Variants in CCSER1 observed in about 807,000 individuals in gnomAD.
CCSER1 encodes serine-rich coiled-coil domain-containing protein 1.
CCSER1 carries 41 observed loss-of-function variants against 82.0 expected under a neutral mutation model. That is an observed-to-expected ratio of 0.50 (90% CI 0.39 to 0.65). The LOEUF is 0.65. CCSER1 is among the 30% of genes least tolerant of loss of function. CCSER1 has a pLI of 0.00. For missense variants in CCSER1, 1,119 were observed against 1,064.2 expected (o/e 1.05, Z -0.72); for synonymous variants, 414 against 383.9 (o/e 1.08, Z -0.92).
intron 3 of CCSER1, among the ~76,000 whole-genome samples, chr4:90,333,357 A>G (rs1273499389): frequency 6.6e-6 from 1 of 152,210 alleles, no homozygotes; most frequent in Non-Finnish European, 1.5e-5. Flanking sequence ...GGAAAAGAAC[A>G]TAGCACTAAC....
chr4:91,046,764 C>A (rs1742532705), intron 9 of CCSER1, among the ~76,000 whole-genome samples: 1 of 151,980 alleles, frequency 6.6e-6, no homozygotes. Context: ...TGTCTCCAGG[C>A]TGGAGTGCAG....
intron 10 of CCSER1, among the ~76,000 whole-genome samples, chr4:91,166,960 G>A (rs898692307): frequency 6.6e-6 from 1 of 151,928 alleles, no homozygotes; most frequent in Non-Finnish European, 1.5e-5. Context: ...GATATTAAAT[G>A]GTGCAAATAA....
chr4:90,779,359 G>A (rs1318171508), intron 7 of CCSER1, among the ~76,000 whole-genome samples: 2 of 151,648 alleles, frequency 1.3e-5, no homozygotes, highest in Non-Finnish European at 2.9e-5. Context: ...AAAAGACTGG[G>A]CTAGGTTTTC....
intron 5 of CCSER1, among the ~76,000 whole-genome samples, chr4:90,578,043 T>C (rs1415002988): frequency 6.6e-6 from 1 of 152,112 alleles, no homozygotes; most frequent in African/African-American, 2.4e-5. Context: ...CAAACGTGGG[T>C]TAGACTCGTG....
At chr4:91,177,626 T>G (rs1008646888) in intron 10 of CCSER1, among the ~76,000 whole-genome samples, 5 of 152,246 alleles carry the variant, frequency 3.3e-5, no homozygotes, top group Non-Finnish European at 5.9e-5. Context: ...TCTAGTATTC[T>G]CTGATAGTAG....
intron 5 of CCSER1, among the ~76,000 whole-genome samples, chr4:90,536,281 G>A (rs892959981): frequency 1.2e-4 from 18 of 152,028 alleles, no homozygotes; most frequent in Admixed American, 3.9e-4. Flanking sequence ...TGATGCGCCC[G>A]CCTCGGCCTC....
chr4:91,097,632 A>G (rs1033042996), intron 10 of CCSER1, among the ~76,000 whole-genome samples: 13 of 152,220 alleles, frequency 8.5e-5, no homozygotes, highest in Non-Finnish European at 1.9e-4. Context: ...ATTTAGAAAT[A>G]TGATCAATAA....
At chr4:90,993,756 C>A (rs1056480294) in intron 9 of CCSER1, among the ~76,000 whole-genome samples, 3 of 151,880 alleles carry the variant, frequency 2.0e-5, no homozygotes, top group Non-Finnish European at 2.9e-5. Flanking sequence ...AGAACCACAC[C>A]CTCATTATTT....
intron 9 of CCSER1, among the ~76,000 whole-genome samples, chr4:91,014,491 A>G (rs1351268938): frequency 1.5e-5 from 2 of 134,288 alleles, no homozygotes; most frequent in Non-Finnish European, 3.5e-5. Flanking sequence ...TTTAAATATT[A>G]TATTCTATAG....
chr4:91,177,432 G>C (rs969163080), intron 10 of CCSER1, among the ~76,000 whole-genome samples: 2 of 152,176 alleles, frequency 1.3e-5, no homozygotes, highest in Non-Finnish European at 2.9e-5. Flanking sequence ...GAATTTGGCT[G>C]TGAATCCATC....
intron 10 of CCSER1, among the ~76,000 whole-genome samples, chr4:91,568,908 T>C (rs570623868): frequency 2.8e-4 from 43 of 152,284 alleles, no homozygotes; most frequent in African/African-American, 1.0e-3. Flanking sequence ...TTGGAGGACA[T>C]GTGACACCCT....
At chr4:91,454,086 A>G (rs535973131) in intron 10 of CCSER1, among the ~76,000 whole-genome samples, 2 of 152,240 alleles carry the variant, frequency 1.3e-5, no homozygotes, top group South Asian at 4.1e-4. Flanking sequence ...AGAGGTAATC[A>G]AGAACATGGA....
rs534383177 is a variant in CCSER1, at chr4:91,346,033, C to CT, written c.2218-252528dup. Among the ~76,000 whole-genome samples the CT allele has an allele frequency of 2.5e-3, 367 of 144,934 alleles. 7 individuals are homozygous for CT. Among genetic ancestry groups the CT allele is most frequent in the African/African-American group, 8.2e-3 (317 of 38,630 alleles). ...CATATCATACTGGGGCTTGACAGCT[C>CT]TTTTTTTTTTTAAGACAGTCTCACT... On this transcript the variant is annotated intron_variant, in intron 10 of 10. Transcript: ENST00000509176.
At chr4:90,772,969 G>A in intron 7 of CCSER1, among the ~76,000 whole-genome samples, 1 of 152,262 alleles carries the variant, frequency 6.6e-6, no homozygotes, top group Admixed American at 6.5e-5. Flanking sequence ...GGCCAGGCAT[G>A]TTGGCTTATG....
At chr4:91,572,415 A>C (rs541345119) in intron 10 of CCSER1, among the ~76,000 whole-genome samples, 22 of 152,100 alleles carry the variant, frequency 1.4e-4, no homozygotes, top group African/African-American at 4.8e-4. Flanking sequence ...TCAGGGACCC[A>C]CTTAAAAAAT....
chr4:91,260,519 A>G lies in CCSER1; in HGVS notation c.2217+174525A>G, dbSNP rs528313900. On this transcript the variant is annotated intron_variant, in intron 10 of 10. Coordinates refer to ENST00000509176, the MANE Select transcript of CCSER1 (RefSeq NM_001145065.2). The stretch of plus-strand genomic sequence containing the variant: ...CCAAACCATAGACAGATTAGCTGGC[A>G]GACACAGAATTACATTCTGTTTGAT... Among the ~76,000 whole-genome samples, 13 of 152,352 alleles carry G rather than the reference A, an allele frequency of 8.5e-5. No individual in the cohort carries two copies. In the East Asian group the frequency reaches 2.5e-3, roughly 29 times the overall value.
intron 5 of CCSER1, among the ~76,000 whole-genome samples, chr4:90,488,579 A>G (rs1389978890): frequency 6.6e-6 from 1 of 152,234 alleles, no homozygotes; most frequent in Non-Finnish European, 1.5e-5. Context: ...GTATGAATCT[A>G]GTAAATGTGG....
chr4:90,537,494 G>GT (rs1775559641), intron 5 of CCSER1, among the ~76,000 whole-genome samples: 1 of 151,532 alleles, frequency 6.6e-6, no homozygotes, highest in South Asian at 2.1e-4. Context: ...CCATTTGTCC[G>GT]TTTTTTCCAC....
At chr4:90,193,964 A>G (rs1736132990) in intron 1 of CCSER1, among the ~76,000 whole-genome samples, 1 of 152,056 alleles carries the variant, frequency 6.6e-6, no homozygotes, top group Admixed American at 6.6e-5. Context: ...TGCTGTATCA[A>G]TTGTAGATTT....
Sources: gnomAD v4.1 joint callset for allele counts (sites outside exome capture counted in the v4.1 genomes callset) on GRCh38, gnomAD v4.1.1 for gene constraint, MANE v1.5 for transcripts, NCBI Gene and HGNC (gene_info 2026-07-23, HGNC 2026-07-21) for gene names.